Variants in SPIDR observed in about 807,000 individuals in gnomAD.
SPIDR encodes DNA repair-scaffolding protein.
SPIDR carries 93 observed loss-of-function variants against 104.6 expected under a neutral mutation model. That is an observed-to-expected ratio of 0.89 (90% CI 0.75 to 1.06). The LOEUF is 1.06. SPIDR is among the 50% of genes least tolerant of loss of function. The probability of loss-of-function intolerance (pLI) is 0.00; values close to 1 mark genes in which losing one functional copy is unlikely to be tolerated. For synonymous variants in SPIDR, 431 were observed against 416.9 expected, an observed-to-expected ratio of 1.03 and a Z score of -0.41; for missense variants, 1,154 against 1,111.2, an observed-to-expected ratio of 1.04 and a Z score of -0.55.
intron 5 of SPIDR, among the ~76,000 whole-genome samples, chr8:47,334,581 C>G (rs960222653): frequency 2.0e-5 from 3 of 152,220 alleles, no homozygotes; most frequent in Middle Eastern, 6.8e-3. Flanking sequence ...GCTACTCCTG[C>G]TTTTCTTTGG....
chr8:47,297,069 T>C (rs1444289767), intron 5 of SPIDR, among the ~76,000 whole-genome samples: 6 of 152,236 alleles, frequency 3.9e-5, no homozygotes, highest in Non-Finnish European at 7.3e-5. Context: ...AGATTTTGTA[T>C]CCTGCAACTT....
At chr8:47,302,872 C>T (rs896017278) in intron 5 of SPIDR, among the ~76,000 whole-genome samples, 9 of 152,212 alleles carry the variant, frequency 5.9e-5, no homozygotes, top group African/African-American at 2.2e-4. Flanking sequence ...GGGTCCCTCC[C>T]AGTTAGGCTA....
intron 8 of SPIDR, among the ~76,000 whole-genome samples, chr8:47,479,076 T>C (rs1467162839): frequency 6.6e-6 from 1 of 151,876 alleles, no homozygotes; most frequent in Non-Finnish European, 1.5e-5. Context: ...GAAAGGGATG[T>C]GGGGCGGGGT....
chr8:47,492,717 G>A (rs553589875), intron 8 of SPIDR, among the ~76,000 whole-genome samples: 1 of 152,062 alleles, frequency 6.6e-6, no homozygotes, highest in Non-Finnish European at 1.5e-5. Context: ...GGAAGCATAC[G>A]TCTGGCCGTA....
At chr8:47,534,276 A>G (rs1449359216) in intron 8 of SPIDR, among the ~76,000 whole-genome samples, 2 of 152,218 alleles carry the variant, frequency 1.3e-5, no homozygotes, top group South Asian at 4.1e-4. Flanking sequence ...AGACTAATAC[A>G]CTTGGTATAT....
At chr8:47,487,909 A>T (rs1345448331) in intron 8 of SPIDR, among the ~76,000 whole-genome samples, 1 of 152,252 alleles carries the variant, frequency 6.6e-6, no homozygotes, top group African/African-American at 2.4e-5. Flanking sequence ...AGCAGGAAAG[A>T]TCTAAAATTG....
At chr8:47,374,948 C>G (rs117085662) in intron 5 of SPIDR, among the ~76,000 whole-genome samples, 2 of 152,090 alleles carry the variant, frequency 1.3e-5, no homozygotes, top group Non-Finnish European at 2.9e-5. Flanking sequence ...CCCAGCTACT[C>G]AGGAGGCTGA....
intron 8 of SPIDR, among the ~76,000 whole-genome samples, chr8:47,485,025 A>G (rs530128202): frequency 3.3e-5 from 5 of 152,306 alleles, no homozygotes; most frequent in African/African-American, 1.2e-4. Flanking sequence ...CAGCCCACCA[A>G]GCGTGAGCTG....
At chr8:47,518,624 G>A (rs1039654954) in intron 8 of SPIDR, among the ~76,000 whole-genome samples, 10 of 151,674 alleles carry the variant, frequency 6.6e-5, no homozygotes, top group African/African-American at 2.4e-4. Flanking sequence ...TTATATCACT[G>A]AAGTCTTCTG....
intron 8 of SPIDR, among the ~76,000 whole-genome samples, chr8:47,474,749 T>G (rs1176555222): frequency 1.3e-5 from 2 of 152,278 alleles, no homozygotes; most frequent in African/African-American, 4.8e-5. Flanking sequence ...ATTTAAGAAA[T>G]GAGAATTCAG....
chr8:47,426,462 A>G (rs563732880), intron 7 of SPIDR, among the ~76,000 whole-genome samples: 1 of 152,310 alleles, frequency 6.6e-6, no homozygotes, highest in African/African-American at 2.4e-5. Context: ...ATTAAGCAAC[A>G]AGTAGATTAT....
intron 7 of SPIDR, among the ~76,000 whole-genome samples, chr8:47,416,293 G>C (rs1159826128): frequency 6.6e-6 from 1 of 152,116 alleles, no homozygotes; most frequent in African/African-American, 2.4e-5. Flanking sequence ...ATAACCTTTT[G>C]GGATTGAGAT....
intron 10 of SPIDR, among the ~76,000 whole-genome samples, chr8:47,628,753 C>T (rs1011102581): frequency 4.6e-5 from 7 of 152,070 alleles, no homozygotes; most frequent in Non-Finnish European, 7.3e-5. Flanking sequence ...ATCATGAATA[C>T]ACATATACTG....
chr8:47,413,888 G>T (rs946231811), intron 7 of SPIDR, among the ~76,000 whole-genome samples: 4 of 152,196 alleles, frequency 2.6e-5, no homozygotes, highest in African/African-American at 9.6e-5. Context: ...CTGTCAAGTC[G>T]AAGTTTGTTA....
At chr8:47,515,016 T>C (rs571111796) in intron 8 of SPIDR, among the ~76,000 whole-genome samples, 35 of 152,282 alleles carry the variant, frequency 2.3e-4, no homozygotes, top group African/African-American at 8.2e-4. Context: ...CCTGTTTTCT[T>C]TAAAGTTCAG....
intron 8 of SPIDR, among the ~76,000 whole-genome samples, chr8:47,451,683 CCTT>C (rs1362962603): frequency 6.6e-6 from 1 of 152,054 alleles, no homozygotes; most frequent in Non-Finnish European, 1.5e-5. Flanking sequence ...AAATTGAACT[CCTT>C]CTGTCTGAGA....
chr8:47,374,644 G>A (rs2058438010), intron 5 of SPIDR, among the ~76,000 whole-genome samples: 1 of 152,112 alleles, frequency 6.6e-6, no homozygotes, highest in Admixed American at 6.5e-5. Flanking sequence ...AGTTTTAGAT[G>A]TTTTCTTCAT....
At chr8:47,433,291 C>G (rs1216846837) in intron 7 of SPIDR, among the ~76,000 whole-genome samples, 1 of 152,168 alleles carries the variant, frequency 6.6e-6, no homozygotes, top group Admixed American at 6.5e-5. Context: ...AACTAGCTTC[C>G]CTACTTAATC....
chr8:47,729,346 G>T, intron 18 of SPIDR, 66 bp from the exon 19 acceptor site: 1 of 1,541,990 alleles, frequency 6.5e-7, no homozygotes. Flanking sequence ...TCGGGAATGA[G>T]TGATTTAACT....
Sources: gnomAD v4.1 joint callset for allele counts (sites outside exome capture counted in the v4.1 genomes callset) on GRCh38, gnomAD v4.1.1 for gene constraint, MANE v1.5 for transcripts, NCBI Gene and HGNC (gene_info 2026-07-23, HGNC 2026-07-21) for gene names.